Variants in ARMH4 observed in about 807,000 individuals in gnomAD.
ARMH4 encodes the protein armadillo-like helical domain-containing protein 4.
A neutral mutation model predicts 61.9 loss-of-function variants in ARMH4; 49 were observed. The ratio of observed to expected loss-of-function variants is 0.79; its 90% CI spans 0.63 to 1.00. ARMH4 has a LOEUF of 1.00. ARMH4 is among the 50% of genes least tolerant of loss of function. The pLI, the probability that ARMH4 is intolerant of heterozygous loss-of-function variation, is 0.00. For missense variants in ARMH4, 934 were observed against 930.0 expected (o/e 1.00, Z -0.06); for synonymous variants, 368 against 341.5 (o/e 1.08, Z -0.85).
intron 5 of ARMH4, among the ~76,000 whole-genome samples, chr14:58,045,389 A>G (rs1883897640): frequency 6.6e-6 from 1 of 152,088 alleles, no homozygotes; most frequent in Non-Finnish European, 1.5e-5. Context: ...ACATGTTCTC[A>G]CTCATAGGTG....
chr14:58,031,562 A>T (rs1883231585), intron 5 of ARMH4, among the ~76,000 whole-genome samples: 1 of 152,172 alleles, frequency 6.6e-6, no homozygotes, highest in Non-Finnish European at 1.5e-5. Flanking sequence ...CATTACAGAG[A>T]AATATTTTTC....
At chr14:58,072,751 C>T (rs999134792) in intron 5 of ARMH4, among the ~76,000 whole-genome samples, 42 of 151,728 alleles carry the variant, frequency 2.8e-4, no homozygotes, top group Admixed American at 2.8e-3. Context: ...TTGGCCAGAG[C>T]GTTCCTTTTT....
rs1222029062 is a variant in ARMH4, at chr14:58,002,746, T to A, written c.*1990A>T. 2 of 152,254 alleles carry A rather than the reference T, an allele frequency of 1.3e-5. No individual in the cohort carries two copies. Among genetic ancestry groups the A allele is most frequent in the Non-Finnish European group, 2.9e-5 (2 of 68,044 alleles). The allele number at this position is 152,254 out of a possible 1,614,324, so 9.4% of individuals were successfully genotyped here. A position where few individuals can be genotyped will look rare whatever the true frequency, so the allele number is the denominator to read the frequency against. ...AAAGGAAAACATCCCTTATGCAATA[T>A]CAGGATGTCTCTACTCGTGAAATTA... On this transcript the variant is annotated 3_prime_UTR_variant, in exon 8 of 8. Transcript: ENST00000267485.
At chr14:58,083,647 C>T (rs1283833853) in intron 5 of ARMH4, among the ~76,000 whole-genome samples, 1 of 152,194 alleles carries the variant, frequency 6.6e-6, no homozygotes, top group Non-Finnish European at 1.5e-5. Flanking sequence ...TTATCTGACT[C>T]CATTAGGACT....
intron 5 of ARMH4, among the ~76,000 whole-genome samples, chr14:58,041,363 G>T (rs1440285140): frequency 1.3e-5 from 2 of 152,094 alleles, no homozygotes; most frequent in African/African-American, 2.4e-5. Flanking sequence ...AAGTGAAGGA[G>T]AAATAAAATA....
chr14:58,032,199 G>C (rs1333824457), intron 5 of ARMH4, among the ~76,000 whole-genome samples: 1 of 152,074 alleles, frequency 6.6e-6, no homozygotes, highest in Non-Finnish European at 1.5e-5. Flanking sequence ...TATGTGTTTT[G>C]CTCATTGCTG....
intron 5 of ARMH4, among the ~76,000 whole-genome samples, chr14:58,049,469 AAGAATTAC>A (rs1043719597): frequency 2.4e-4 from 36 of 152,338 alleles, no homozygotes; most frequent in African/African-American, 8.2e-4. Context: ...AGTAAAAACA[AAGAATTAC>A]AGCCAGAAGA....
rs1882110918 is a variant in ARMH4 at position 58,005,054 on chromosome 14, T to A, written c.2250A>T (p.Lys750Asn). 1 of 1,613,930 alleles carries A rather than the reference T, an allele frequency of 6.2e-7. No homozygotes were observed. Among genetic ancestry groups the A allele is most frequent in the Non-Finnish European group, 8.5e-7 (1 of 1,179,926 alleles). ...GCTGTTGTTGGTTCCATACCTTTCT[T>A]TTATGCCTTTTGAAGCCATTTCTCC... is the stretch of plus-strand genomic sequence containing the variant. ...RRRRNGFKRH[K>N]RKQREFNSMQ... Residue 750 changes from lysine to asparagine, a missense_variant, in exon 7 of 8, where the codon AAA (lysine) becomes AAT (asparagine). Transcript: ENST00000267485.
intron 4 of ARMH4, among the ~76,000 whole-genome samples, chr14:58,121,463 A>G (rs769305395): frequency 6.6e-5 from 10 of 152,250 alleles, no homozygotes; most frequent in Non-Finnish European, 1.3e-4. Context: ...GCATACCAGA[A>G]AAACGAGAGT....
At chr14:58,032,984 C>T (rs891771866) in intron 5 of ARMH4, among the ~76,000 whole-genome samples, 27 of 143,046 alleles carry the variant, frequency 1.9e-4, no homozygotes, top group East Asian at 1.3e-3. Context: ...GAGGGGCGCC[C>T]GCCATTGCCC....
At chr14:58,114,335 A>G (rs947713088) in intron 4 of ARMH4, among the ~76,000 whole-genome samples, 1 of 152,118 alleles carries the variant, frequency 6.6e-6, no homozygotes, top group Non-Finnish European at 1.5e-5. Flanking sequence ...CACAACAATG[A>G]TATCACTACT....
intron 2 of ARMH4, among the ~76,000 whole-genome samples, chr14:58,134,125 T>C (rs1354290295): frequency 6.6e-6 from 1 of 152,230 alleles, no homozygotes; most frequent in Non-Finnish European, 1.5e-5. Context: ...TGGTAAGTAT[T>C]CAATAATTAC....
At chr14:58,126,805 T>C (rs1173822173) in intron 4 of ARMH4, among the ~76,000 whole-genome samples, 3 of 150,746 alleles carry the variant, frequency 2.0e-5, no homozygotes, top group Non-Finnish European at 4.4e-5. Context: ...CCATTGGATT[T>C]TTTTTTTTTT....
chr14:58,102,141 G>A (rs1886004013), intron 4 of ARMH4, among the ~76,000 whole-genome samples: 1 of 152,188 alleles, frequency 6.6e-6, no homozygotes, highest in South Asian at 2.1e-4. Context: ...GCACAGGTAA[G>A]AGAAGGCACT....
At chr14:58,043,104 T>G (rs575843953) in intron 5 of ARMH4, among the ~76,000 whole-genome samples, 1 of 152,342 alleles carries the variant, frequency 6.6e-6, no homozygotes, top group African/African-American at 2.4e-5. Context: ...ACTCATTTTA[T>G]GAGGCCAGCA....
At position 58,131,580 on chromosome 14, in the gene ARMH4, GTTC is replaced by G. The variant is rs756994045; in HGVS notation, c.1760_1762del (p.Arg587del). 2.5e-6 allele frequency: 4 copies of G among 1,614,246 alleles called. No individual in the cohort carries two copies. The East Asian group carries it at 6.7e-5, about 27-fold the overall frequency. ...AACACGAGTAATAGATGGAACAACA[GTTC>G]TTCTCTCAGAGGATGCCTCCAAAGC... On this transcript the variant is annotated inframe_deletion, in exon 4 of 8. Coordinates refer to ENST00000267485, the MANE Select transcript of ARMH4 (RefSeq NM_001001872.4).
Position 58,041,425 on chromosome 14 carries a change from A to G in ARMH4, c.2090-29275T>C, listed in dbSNP as rs11846145. 7.9e-3 allele frequency among the ~76,000 whole-genome samples: 1,211 copies of G among 152,344 alleles called. 24 individuals are homozygous for G. The highest frequency in any genetic ancestry group is 0.027 in the African/African-American group (1,135 of 41,582). Reference sequence around the variant, plus strand: ...ATTTTCTCAACACCAGGCCTGCCCTACAAGAGCTCCTGAAGGGAACACTAA... The same window carrying G: ...ATTTTCTCAACACCAGGCCTGCCCTGCAAGAGCTCCTGAAGGGAACACTAA... On this transcript the variant is annotated intron_variant, in intron 5 of 7. Coordinates refer to ENST00000267485, the MANE Select transcript of ARMH4 (RefSeq NM_001001872.4).
chr14:58,144,867 C>CA lies in ARMH4; in HGVS notation c.-56-5454dup, dbSNP rs905261715. ...TGGGTGGCAGAACAAGACTCCATCT[C>CA]AAAAAAAAACAAACAAAAAAAATAT... On this transcript the variant is annotated intron_variant, in intron 1 of 7. Coordinates refer to ENST00000267485, the MANE Select transcript of ARMH4 (RefSeq NM_001001872.4). 3.0e-4 allele frequency among the ~76,000 whole-genome samples: 44 copies of CA among 147,720 alleles called. 1 individual carries two copies. The highest frequency in any genetic ancestry group is 5.5e-4 in the African/African-American group (22 of 40,030).
rs745515042 is a variant in ARMH4 at position 58,011,765 on chromosome 14, G to GAA, written c.2121+352_2121+353dup. 2.6e-4 allele frequency among the ~76,000 whole-genome samples: 25 copies of GAA among 95,572 alleles called. 1 individual carries two copies. The highest frequency in any genetic ancestry group is 8.6e-4 in the East Asian group (2 of 2,316). 62.7% of individuals were successfully genotyped at this position (95,572 alleles called of 152,430 possible). A position where few individuals can be genotyped will look rare whatever the true frequency, so the allele number is the denominator to read the frequency against. On this transcript the variant is annotated intron_variant, in intron 6 of 7. Transcript: ENST00000267485. ...TACACACCTAGAGAGTCTCATATTAGAAAAAAAAAAAAAAAAACAGATGGA... is the reference window on the plus strand; with the variant it reads ...TACACACCTAGAGAGTCTCATATTAGAAAAAAAAAAAAAAAAAAACAGATGGA...
Sources: gnomAD v4.1 joint callset for allele counts (sites outside exome capture counted in the v4.1 genomes callset) on GRCh38, gnomAD v4.1.1 for gene constraint, MANE v1.5 for transcripts, NCBI Gene and HGNC (gene_info 2026-07-23, HGNC 2026-07-21) for gene names.